GALNT14: variants seen among roughly 807,000 people sequenced by gnomAD.
The protein encoded by GALNT14 is polypeptide N-acetylgalactosaminyltransferase 14.
GALNT14 carries 60 observed loss-of-function variants against 77.5 expected under a neutral mutation model. The observed-to-expected ratio is 0.77, with a 90% confidence interval of 0.63 to 0.96. The LOEUF is 0.96. Among genes scored for constraint, GALNT14 ranks in the 40% least tolerant of loss-of-function variants. The pLI is 0.00. For synonymous variants in GALNT14, 280 were observed against 281.7 expected, an observed-to-expected ratio of 0.99 and a Z score of 0.06; for missense variants, 710 against 731.0, an observed-to-expected ratio of 0.97 and a Z score of 0.33.
intron 13 of GALNT14, among the ~76,000 whole-genome samples, chr2:30,920,897 G>A (rs1664991508): frequency 1.3e-5 from 2 of 152,146 alleles, no homozygotes; most frequent in Admixed American, 6.5e-5. Flanking sequence ...TCCTGTCTAG[G>A]AGTATTCTCC....
chr2:30,979,513 G>A (rs150200576), intron 2 of GALNT14, among the ~76,000 whole-genome samples: 3 of 152,256 alleles, frequency 2.0e-5, no homozygotes, highest in Admixed American at 6.5e-5. Flanking sequence ...CAACCACCAC[G>A]CCAGCTCTGG....
At chr2:31,025,608 A>G (rs915738883) in intron 1 of GALNT14, among the ~76,000 whole-genome samples, 2 of 152,250 alleles carry the variant, frequency 1.3e-5, no homozygotes, top group African/African-American at 2.4e-5. Flanking sequence ...GGAAGAGACC[A>G]GAGACCAAGA....
rs780789795 is a variant in GALNT14, at chr2:30,924,826, G to A, written c.1152-3C>T. The A allele has an allele frequency of 3.7e-6, 6 of 1,612,444 alleles. No homozygotes were observed. In the South Asian group the frequency reaches 6.6e-5, roughly 18 times the overall value. On this transcript the variant is annotated splice_polypyrimidine_tract_variant and splice_region_variant and intron_variant, in intron 11 of 14. Transcript: ENST00000349752. The stretch of plus-strand genomic sequence containing the variant: ...TCAGGTCCAATCTGCTCTCAACACT[G>A]GGGGCAACGGGGTTGTGGACAGACA...
chr2:30,908,716 T>G (rs1664212372), downstream of GALNT14, among the ~76,000 whole-genome samples: 1 of 82,912 alleles, frequency 1.2e-5, no homozygotes, highest in Non-Finnish European at 2.3e-5. Context: ...TACTTTAAAG[T>G]TCATATGGAA....
At chr2:31,009,014 C>A (rs1470726769) in intron 1 of GALNT14, among the ~76,000 whole-genome samples, 2 of 152,188 alleles carry the variant, frequency 1.3e-5, no homozygotes, top group Non-Finnish European at 2.9e-5. Flanking sequence ...AGCCCTTGAA[C>A]AAAATCAATG....
intron 1 of GALNT14, among the ~76,000 whole-genome samples, chr2:31,054,760 C>G (rs989621010): frequency 6.6e-6 from 1 of 152,154 alleles, no homozygotes; most frequent in African/African-American, 2.4e-5. Flanking sequence ...TTGCCTTTGA[C>G]TGGAATGATA....
Position 30,953,157 on chromosome 2 carries a change from T to C in GALNT14, c.654+2461A>G, listed in dbSNP as rs571458420. ...ATGAATGGCAGCAGGACGACATAGC[T>C]GGCCCTAGGGTAGTGTCAACAACTC... On this transcript the variant is annotated intron_variant, in intron 6 of 14. Coordinates refer to ENST00000349752, the MANE Select transcript of GALNT14 (RefSeq NM_024572.4). Among the ~76,000 whole-genome samples the C allele has an allele frequency of 1.3e-4, 20 of 152,318 alleles. No individual in the cohort carries two copies. The South Asian group carries it at 3.7e-3, about 28-fold the overall frequency.
At chr2:31,075,681 A>G (rs1675733477) in intron 1 of GALNT14, among the ~76,000 whole-genome samples, 1 of 152,252 alleles carries the variant, frequency 6.6e-6, no homozygotes. Flanking sequence ...TTACTCCACC[A>G]GGACTGCCAG....
intron 1 of GALNT14, among the ~76,000 whole-genome samples, chr2:31,053,012 G>A (rs1363570690): frequency 6.6e-6 from 1 of 152,106 alleles, no homozygotes; most frequent in African/African-American, 2.4e-5. Context: ...CACAGCTGGA[G>A]CCACTCACTC....
rs534907261 is a variant in GALNT14 at position 30,994,598 on chromosome 2, G to A, written c.130-1591C>T. 1.4e-4 allele frequency among the ~76,000 whole-genome samples: 21 copies of A among 152,272 alleles called. No homozygotes were observed. The East Asian group carries it at 3.9e-3, about 28-fold the overall frequency. ...GATACTGCGGCTACAGAACATTCTA[G>A]AGGAAATCGGTGGGGGTGAGAAACC... On this transcript the variant is annotated intron_variant, in intron 1 of 14. Transcript: ENST00000349752.
chr2:31,095,726 T>G (rs1287639909), intron 1 of GALNT14, among the ~76,000 whole-genome samples: 1 of 152,150 alleles, frequency 6.6e-6, no homozygotes, highest in Non-Finnish European at 1.5e-5. Flanking sequence ...ACAAATCAAC[T>G]ACTTTCCCTA....
At chr2:30,962,443 T>C (rs1667748621) in intron 3 of GALNT14, among the ~76,000 whole-genome samples, 1 of 152,300 alleles carries the variant, frequency 6.6e-6, no homozygotes, top group African/African-American at 2.4e-5. Flanking sequence ...AAGGGATCCA[T>C]TGCCCATGCC....
chr2:31,039,718 C>T (rs1672986991), intron 1 of GALNT14, among the ~76,000 whole-genome samples: 1 of 152,034 alleles, frequency 6.6e-6, no homozygotes, highest in African/African-American at 2.4e-5. Context: ...TATTCATAAA[C>T]ATAGGAGGGT....
At chr2:31,133,547 T>G (rs1257158686) in intron 1 of GALNT14, among the ~76,000 whole-genome samples, 2 of 152,342 alleles carry the variant, frequency 1.3e-5, no homozygotes, top group South Asian at 2.1e-4. Context: ...GCCTTTACAT[T>G]TCCAATACCT....
At chr2:30,947,516 T>C (rs951975345) in intron 6 of GALNT14, among the ~76,000 whole-genome samples, 8 of 152,210 alleles carry the variant, frequency 5.3e-5, no homozygotes, top group African/African-American at 1.9e-4. Context: ...CTGTACCTGA[T>C]GTGCAGTGAG....
At chr2:30,958,570 A>C in intron 3 of GALNT14, 106 bp from the exon 4 acceptor site, 2 of 849,736 alleles carry the variant, frequency 2.4e-6, no homozygotes, top group South Asian at 3.1e-5. Flanking sequence ...ATGAAAAATC[A>C]GAGCACCAAC....
intron 1 of GALNT14, among the ~76,000 whole-genome samples, chr2:31,077,370 C>A (rs1187650186): frequency 6.6e-6 from 1 of 152,206 alleles, no homozygotes; most frequent in East Asian, 1.9e-4. Flanking sequence ...TTACCATTCA[C>A]AACTCAACTC....
the GALNT14 span, among the ~76,000 whole-genome samples, chr2:30,899,282 C>G: frequency 9.3e-4 from 141 of 152,354 alleles, 1 homozygote; most frequent in African/African-American, 3.3e-3. Flanking sequence ...CCCACCACCC[C>G]CTCACCAATG....
chr2:31,050,843 C>T (rs944790063), intron 1 of GALNT14, among the ~76,000 whole-genome samples: 20 of 148,198 alleles, frequency 1.3e-4, no homozygotes, highest in African/African-American at 5.0e-4. Context: ...CAGCTGTTGG[C>T]ATTTGGGGAT....
Sources: allele counts gnomAD v4.1 joint callset (sites outside exome capture counted in the v4.1 genomes callset), GRCh38; gene constraint gnomAD v4.1.1; transcripts MANE v1.5; gene names NCBI Gene and HGNC (gene_info 2026-07-23, HGNC 2026-07-21).